Variants in SLC24A2 observed in about 807,000 individuals in gnomAD.
SLC24A2 encodes the protein solute carrier family 24 member 2, also known as sodium/potassium/calcium exchanger 2.
Under a neutral mutation model 62.0 loss-of-function variants are expected in SLC24A2, and 36 were observed. That is an observed-to-expected ratio of 0.58 (90% CI 0.44 to 0.77). SLC24A2 has a LOEUF of 0.77. SLC24A2 is among the 30% of genes least tolerant of loss of function. The pLI, the probability that SLC24A2 is intolerant of heterozygous loss-of-function variation, is 0.00. For missense variants in SLC24A2, 846 were observed against 817.9 expected (o/e 1.03, Z -0.42); for synonymous variants, 358 against 294.0 (o/e 1.22, Z -2.23).
In SLC24A2 at chr9:19,714,776, T is replaced by C. The variant is rs1036506325; in HGVS notation, c.930+71161A>G. Among the ~76,000 whole-genome samples the C allele has an allele frequency of 3.3e-5, 5 of 152,208 alleles. No homozygotes were observed. In the East Asian group the frequency reaches 5.8e-4, roughly 18 times the overall value. ...TTTTCCCCTCTGTGGCAAGGGCAGC[T>C]ATAATCTACTCATTTAGCAAGTATC... On this transcript the variant is annotated intron_variant, in intron 2 of 10. Transcript: ENST00000341998.
chr9:19,996,653 A>G, the SLC24A2 span, among the ~76,000 whole-genome samples: 1 of 151,498 alleles, frequency 6.6e-6, no homozygotes, highest in Middle Eastern at 3.2e-3. Flanking sequence ...GAGGGAGGAG[A>G]ATCGCTTGAA....
At chr9:19,724,043 T>A (rs1821103082) in intron 2 of SLC24A2, among the ~76,000 whole-genome samples, 1 of 152,190 alleles carries the variant, frequency 6.6e-6, no homozygotes. Context: ...ACACTCATAA[T>A]AATGTCAACA....
the SLC24A2 span, among the ~76,000 whole-genome samples, chr9:20,201,567 G>A: frequency 0.69 from 105,389 of 152,060 alleles, 38,406 homozygotes; most frequent in Non-Finnish European, 0.8. Context: ...ACCTGGAAGA[G>A]GTGACTTAAT....
At chr9:20,108,808 C>G in the SLC24A2 span, among the ~76,000 whole-genome samples, 1 of 151,954 alleles carries the variant, frequency 6.6e-6, no homozygotes, top group Admixed American at 6.6e-5. Flanking sequence ...TGTAACTAAC[C>G]TGCACATTGT....
At chr9:20,250,029 G>A in the SLC24A2 span, among the ~76,000 whole-genome samples, 1 of 152,230 alleles carries the variant, frequency 6.6e-6, no homozygotes, top group South Asian at 2.1e-4. Context: ...TTCAATTTTT[G>A]CTAAATAATG....
chr9:20,285,329 G>A, the SLC24A2 span, among the ~76,000 whole-genome samples: 14 of 152,336 alleles, frequency 9.2e-5, no homozygotes, highest in South Asian at 1.7e-3. Context: ...GTTGGCTTGT[G>A]TGATTATGAA....
At chr9:20,210,829 G>C in the SLC24A2 span, among the ~76,000 whole-genome samples, 5 of 150,702 alleles carry the variant, frequency 3.3e-5, no homozygotes, top group Middle Eastern at 3.4e-3. Context: ...GCACGTGAAC[G>C]GTGCCAAGGG....
At chr9:19,736,365 T>A (rs1453655688) in intron 2 of SLC24A2, among the ~76,000 whole-genome samples, 1 of 152,154 alleles carries the variant, frequency 6.6e-6, no homozygotes, top group South Asian at 2.1e-4. Context: ...TAACTGATTA[T>A]AAACAAAACA....
At chr9:19,727,757 T>C (rs370320452) in intron 2 of SLC24A2, among the ~76,000 whole-genome samples, 19 of 152,338 alleles carry the variant, frequency 1.2e-4, no homozygotes, top group East Asian at 5.8e-4. Flanking sequence ...AAATATCCTA[T>C]AGTAATTTAC....
the SLC24A2 span, among the ~76,000 whole-genome samples, chr9:20,080,562 C>G: frequency 6.6e-6 from 1 of 151,950 alleles, no homozygotes; most frequent in Non-Finnish European, 1.5e-5. Flanking sequence ...AGGACATAGG[C>G]ATGGGCAAGG....
At chr9:20,186,703 G>A in the SLC24A2 span, among the ~76,000 whole-genome samples, 1 of 151,884 alleles carries the variant, frequency 6.6e-6, no homozygotes, top group African/African-American at 2.4e-5. Context: ...GAAAAAAAAA[G>A]AGGAAAAATA....
chr9:20,135,022 C>A, the SLC24A2 span, among the ~76,000 whole-genome samples: 3 of 152,140 alleles, frequency 2.0e-5, no homozygotes, highest in Non-Finnish European at 2.9e-5. Flanking sequence ...TGGCAGGGTA[C>A]ATTTATTCAA....
At chr9:20,278,028 T>C in the SLC24A2 span, among the ~76,000 whole-genome samples, 13 of 152,092 alleles carry the variant, frequency 8.5e-5, no homozygotes, top group African/African-American at 2.2e-4. Context: ...TAGGTGGGAA[T>C]TGAACAATGA....
chr9:20,068,314 G>C, the SLC24A2 span, among the ~76,000 whole-genome samples: 2 of 151,916 alleles, frequency 1.3e-5, no homozygotes, highest in African/African-American at 4.8e-5. Context: ...CACCTGCCTT[G>C]GCCTCCCAAA....
chr9:19,797,845 G>C, the SLC24A2 span, among the ~76,000 whole-genome samples: 4 of 152,176 alleles, frequency 2.6e-5, no homozygotes, highest in Non-Finnish European at 4.4e-5. Context: ...TGGCCATAAA[G>C]GATGGGGAAC....
chr9:19,919,476 T>C, the SLC24A2 span, among the ~76,000 whole-genome samples: 1 of 152,112 alleles, frequency 6.6e-6, no homozygotes, highest in Non-Finnish European at 1.5e-5. Context: ...CATGGGCTTG[T>C]GGCAAAAGAA....
the SLC24A2 span, among the ~76,000 whole-genome samples, chr9:20,205,734 G>C: frequency 2.0e-5 from 3 of 150,854 alleles, no homozygotes; most frequent in Non-Finnish European, 2.9e-5. Flanking sequence ...GATATTTTCT[G>C]GAAGATGACC....
intron 2 of SLC24A2, among the ~76,000 whole-genome samples, chr9:19,641,809 T>A (rs1387412257): frequency 6.6e-6 from 1 of 152,248 alleles, no homozygotes; most frequent in East Asian, 1.9e-4. Context: ...CTTCCAGCTA[T>A]CTTCCAGTAG....
At chr9:19,692,094 C>CT (rs779183789) in intron 2 of SLC24A2, among the ~76,000 whole-genome samples, 8 of 152,148 alleles carry the variant, frequency 5.3e-5, no homozygotes, top group Admixed American at 2.0e-4. Context: ...ACTGCATTAA[C>CT]CTATCTGTAA....
Sources: allele counts gnomAD v4.1 joint callset (sites outside exome capture counted in the v4.1 genomes callset), GRCh38; gene constraint gnomAD v4.1.1; transcripts MANE v1.5; gene names NCBI Gene and HGNC (gene_info 2026-07-23, HGNC 2026-07-21).